The following ABHD17B variants were observed in gnomAD, a reference collection of about 807,000 sequenced individuals.
ABHD17B encodes abhydrolase domain containing 17B, depalmitoylase.
In ABHD17B, 9 loss-of-function variants were observed where a neutral mutation model predicts 26.2. The ratio of observed to expected loss-of-function variants is 0.34; its 90% CI spans 0.21 to 0.60. ABHD17B has a LOEUF of 0.60. Among genes scored for constraint, ABHD17B ranks in the 20% least tolerant of loss-of-function variants. The pLI is 0.80. For missense variants in ABHD17B, 224 were observed against 352.1 expected (o/e 0.64, Z 2.91); for synonymous variants, 127 against 122.3 (o/e 1.04, Z -0.25).
chr9:71,905,236 T>C (rs1349424202), intron 1 of ABHD17B, among the ~76,000 whole-genome samples: 1 of 151,818 alleles, frequency 6.6e-6, no homozygotes, highest in African/African-American at 2.4e-5. Flanking sequence ...GATTCTCCTG[T>C]CTCAGCCTCC....
Position 71,867,087 on chromosome 9 carries a change from A to G in ABHD17B, c.648-81T>C. The G allele has an allele frequency of 2.7e-6, 4 of 1,456,226 alleles. No homozygotes were observed. The South Asian group carries it at 3.6e-5, about 13-fold the overall frequency. 90.2% of individuals were successfully genotyped at this position (1,456,226 alleles called of 1,614,324 possible). On this transcript the variant is annotated intron_variant, in intron 3 of 3. Coordinates refer to ENST00000333421, the MANE Select transcript of ABHD17B (RefSeq NM_001025780.3). Reference sequence around the variant, plus strand: ...TATTCTTGTGCTATATCAGACAGATAATTCAAATATGAGAATTGTATGAAT... The same window carrying G: ...TATTCTTGTGCTATATCAGACAGATGATTCAAATATGAGAATTGTATGAAT...
intron 1 of ABHD17B, among the ~76,000 whole-genome samples, chr9:71,900,690 G>C (rs1203787783): frequency 1.3e-5 from 2 of 150,054 alleles, no homozygotes; most frequent in Non-Finnish European, 3.0e-5. Flanking sequence ...CTTCTCCACA[G>C]GTCCTTAAAG....
At chr9:71,889,752 A>C (rs1170364779) in intron 1 of ABHD17B, among the ~76,000 whole-genome samples, 1 of 152,060 alleles carries the variant, frequency 6.6e-6, no homozygotes, top group East Asian at 1.9e-4. Context: ...TACATGTACA[A>C]AACTGATAAA....
At chr9:71,872,199 A>C (rs143622458) in intron 2 of ABHD17B, among the ~76,000 whole-genome samples, 8 of 152,198 alleles carry the variant, frequency 5.3e-5, no homozygotes. Context: ...AATATTTCCT[A>C]AAGTACCTAC....
At chr9:71,901,600 C>T (rs1827143753) in intron 1 of ABHD17B, among the ~76,000 whole-genome samples, 1 of 152,074 alleles carries the variant, frequency 6.6e-6, no homozygotes, top group African/African-American at 2.4e-5. Flanking sequence ...CTTTATACTA[C>T]AATGTTACCT....
chr9:71,893,811 CG>C (rs1237038657), intron 1 of ABHD17B, among the ~76,000 whole-genome samples: 2 of 152,136 alleles, frequency 1.3e-5, no homozygotes, highest in African/African-American at 4.8e-5. Context: ...CTTCACTGGC[CG>C]GGCGCGGTGG....
intron 1 of ABHD17B, among the ~76,000 whole-genome samples, chr9:71,892,457 C>T (rs1179428012): frequency 2.6e-5 from 4 of 151,732 alleles, no homozygotes; most frequent in South Asian, 2.1e-4. Context: ...GGCATGAACC[C>T]GGGAGGTGGA....
chr9:71,878,348 GATAGAA>G (rs1420805947), intron 1 of ABHD17B, among the ~76,000 whole-genome samples: 1 of 152,018 alleles, frequency 6.6e-6, no homozygotes, highest in Non-Finnish European at 1.5e-5. Flanking sequence ...AAATTTAATA[GATAGAA>G]ATAGAAGTAG....
At chr9:71,876,923 C>A (rs1403112347) in intron 1 of ABHD17B, among the ~76,000 whole-genome samples, 1 of 152,104 alleles carries the variant, frequency 6.6e-6, no homozygotes, top group East Asian at 1.9e-4. Flanking sequence ...ACCTTTATTT[C>A]TTTTTAGGCT....
intron 1 of ABHD17B, among the ~76,000 whole-genome samples, chr9:71,877,974 C>T (rs538342350): frequency 1.7e-4 from 26 of 152,200 alleles, no homozygotes; most frequent in African/African-American, 6.3e-4. Context: ...GATCACTTTC[C>T]TAATAAGAGG....
intron 1 of ABHD17B, among the ~76,000 whole-genome samples, chr9:71,892,862 A>G (rs1826831515): frequency 6.6e-6 from 1 of 152,154 alleles, no homozygotes; most frequent in Non-Finnish European, 1.5e-5. Context: ...ATACATCCAC[A>G]TTATTGTGCA....
intron 1 of ABHD17B, among the ~76,000 whole-genome samples, chr9:71,887,148 C>T (rs1429385528): frequency 6.6e-6 from 1 of 151,798 alleles, no homozygotes; most frequent in African/African-American, 2.4e-5. Context: ...ATGTACTGGG[C>T]AATGTGCAAA....
chr9:71,877,759 A>G (rs1321485741), intron 1 of ABHD17B, among the ~76,000 whole-genome samples: 3 of 152,226 alleles, frequency 2.0e-5, no homozygotes, highest in Non-Finnish European at 1.5e-5. Context: ...TTTGAAATAA[A>G]GCTGGCTGGT....
At chr9:71,904,598 G>A (rs185352065) in intron 1 of ABHD17B, among the ~76,000 whole-genome samples, 1 of 152,272 alleles carries the variant, frequency 6.6e-6, no homozygotes, top group East Asian at 1.9e-4. Context: ...ATGCAGATGA[G>A]GATCAATGAT....
chr9:71,902,859 A>G (rs1416498665), intron 1 of ABHD17B, among the ~76,000 whole-genome samples: 1 of 152,174 alleles, frequency 6.6e-6, no homozygotes, highest in Non-Finnish European at 1.5e-5. Context: ...AATTTTCAAA[A>G]CAAACTTAAA....
chr9:71,884,061 A>G (rs1826533102), intron 1 of ABHD17B, among the ~76,000 whole-genome samples: 1 of 152,230 alleles, frequency 6.6e-6, no homozygotes, highest in South Asian at 2.1e-4. Context: ...TAACTCAAGA[A>G]CAATGGGCAA....
At position 71,890,055 on chromosome 9, in the gene ABHD17B, G is replaced by T. The variant is rs1352478979; in HGVS notation, c.-3-14972C>A. Among the ~76,000 whole-genome samples, 4 of 151,912 alleles carry T rather than the reference G, an allele frequency of 2.6e-5. 1 individual carries two copies. In the East Asian group the frequency reaches 7.7e-4, roughly 29 times the overall value. Reference sequence around the variant, plus strand: ...GCAGGTCGATCACTTGAGGTCAGGAGTTTCAAGACCAGCCTGGCCAACATG... The same window carrying T: ...GCAGGTCGATCACTTGAGGTCAGGATTTTCAAGACCAGCCTGGCCAACATG... On this transcript the variant is annotated intron_variant, in intron 1 of 3. Coordinates refer to ENST00000333421, the MANE Select transcript of ABHD17B (RefSeq NM_001025780.3).
intron 1 of ABHD17B, among the ~76,000 whole-genome samples, chr9:71,897,174 C>A (rs1826981912): frequency 1.3e-5 from 2 of 152,252 alleles, no homozygotes; most frequent in South Asian, 4.1e-4. Flanking sequence ...TAATTAATAA[C>A]AGTTGGCTTA....
At chr9:71,862,699 CTTAAGATT>C (rs1018418672), downstream of ABHD17B, 31 of 530,510 alleles carry the variant, frequency 5.8e-5, no homozygotes, top group Admixed American at 2.1e-4. Flanking sequence ...AAAAATCACT[CTTAAGATT>C]TTGTCATGTA....
Sources: allele counts gnomAD v4.1 joint callset (sites outside exome capture counted in the v4.1 genomes callset), GRCh38; gene constraint gnomAD v4.1.1; transcripts MANE v1.5; gene names NCBI Gene and HGNC (gene_info 2026-07-23, HGNC 2026-07-21).